The following RABGAP1L variants were observed in gnomAD, a reference collection of about 807,000 sequenced individuals.
The protein encoded by RABGAP1L is rab GTPase-activating protein 1-like.
Under a neutral mutation model 137.7 loss-of-function variants are expected in RABGAP1L, and 63 were observed. The observed-to-expected ratio is 0.46, with a 90% CI of 0.37 to 0.56. RABGAP1L has a LOEUF of 0.56. Among genes scored for constraint, RABGAP1L ranks in the 20% least tolerant of loss-of-function variants. The pLI is 0.00. For synonymous variants in RABGAP1L, 431 were observed against 433.7 expected (o/e 0.99, Z 0.08); for missense variants, 1,095 against 1,244.0 (o/e 0.88, Z 1.80).
intron 10 of RABGAP1L, among the ~76,000 whole-genome samples, chr1:174,303,143 G>C (rs575045284): frequency 4.0e-5 from 6 of 151,230 alleles, no homozygotes; most frequent in Non-Finnish European, 8.8e-5. Context: ...TTTTTCATGT[G>C]ATTTAATGTA....
At chr1:174,455,968 G>A (rs188600431) in intron 13 of RABGAP1L, among the ~76,000 whole-genome samples, 4 of 152,186 alleles carry the variant, frequency 2.6e-5, no homozygotes, top group East Asian at 3.9e-4. Flanking sequence ...TATTGCCTGT[G>A]ATAAAGTTCT....
chr1:174,260,548 C>T (rs915284519), intron 7 of RABGAP1L, among the ~76,000 whole-genome samples: 2 of 152,080 alleles, frequency 1.3e-5, no homozygotes, highest in Non-Finnish European at 2.9e-5. Flanking sequence ...TTGAGGGTCT[C>T]CAGCTGAGAT....
chr1:174,417,656 T>G (rs1650760196), intron 13 of RABGAP1L, among the ~76,000 whole-genome samples: 1 of 152,228 alleles, frequency 6.6e-6, no homozygotes, highest in Non-Finnish European at 1.5e-5. Context: ...GGATTTGTAT[T>G]AATTGCTATA....
intron 13 of RABGAP1L, among the ~76,000 whole-genome samples, chr1:174,604,385 C>CACA (rs1670630032): frequency 6.6e-6 from 1 of 152,242 alleles, no homozygotes; most frequent in African/African-American, 2.4e-5. Flanking sequence ...ATCACACATA[C>CACA]TGTCTCTCTG....
intron 3 of RABGAP1L, among the ~76,000 whole-genome samples, chr1:174,230,252 TGGGGGGA>T (rs1215784516): frequency 7.1e-5 from 2 of 28,030 alleles, no homozygotes; most frequent in Non-Finnish European, 1.4e-4. Context: ...TGTTGTGAGG[TGGGGGGA>T]GGGGGGAGGG....
chr1:174,896,291 T>G (rs905313945), intron 19 of RABGAP1L, among the ~76,000 whole-genome samples: 1 of 152,206 alleles, frequency 6.6e-6, no homozygotes, highest in African/African-American at 2.4e-5. Context: ...GATGGGGTTG[T>G]TTTTTTCTTG....
chr1:174,736,411 G>C (rs953409033), intron 17 of RABGAP1L, among the ~76,000 whole-genome samples: 6 of 152,262 alleles, frequency 3.9e-5, no homozygotes, highest in African/African-American at 1.2e-4. Flanking sequence ...GCCTTGGGCA[G>C]CTCTGCCCCT....
intron 13 of RABGAP1L, among the ~76,000 whole-genome samples, chr1:174,525,097 T>G (rs948860784): frequency 7.2e-5 from 11 of 152,208 alleles, no homozygotes; most frequent in African/African-American, 2.7e-4. Context: ...GCTTTGTTCT[T>G]TTTGCTCAGG....
At chr1:174,850,717 T>C (rs1394565435) in intron 19 of RABGAP1L, among the ~76,000 whole-genome samples, 2 of 152,234 alleles carry the variant, frequency 1.3e-5, no homozygotes, top group Non-Finnish European at 2.9e-5. Flanking sequence ...GATTATGTTT[T>C]GCCATATGGC....
chr1:174,176,741 A>AAAAACAAAAAAAAAAATAAAAT (rs1553248319), intron 1 of RABGAP1L, among the ~76,000 whole-genome samples: 1 of 111,778 alleles, frequency 8.9e-6, no homozygotes, highest in African/African-American at 3.6e-5. Flanking sequence ...AAAAAAAAAA[A>AAAAACAAAAAAAAAAATAAAAT]AAAAAGGTCA....
At chr1:174,597,272 G>A (rs1670019581) in intron 13 of RABGAP1L, among the ~76,000 whole-genome samples, 2 of 152,088 alleles carry the variant, frequency 1.3e-5, no homozygotes, top group African/African-American at 4.8e-5. Flanking sequence ...TTATTTTTTG[G>A]AATAGTTTGA....
chr1:174,390,896 T>C (rs555117369), intron 12 of RABGAP1L, among the ~76,000 whole-genome samples: 6 of 152,266 alleles, frequency 3.9e-5, no homozygotes, highest in African/African-American at 1.4e-4. Flanking sequence ...TTTGAGCTTC[T>C]AGAACTTGGG....
At chr1:174,255,713 A>G (rs1452377699) in intron 7 of RABGAP1L, among the ~76,000 whole-genome samples, 1 of 152,120 alleles carries the variant, frequency 6.6e-6, no homozygotes, top group Non-Finnish European at 1.5e-5. Flanking sequence ...TTTAGTAGTG[A>G]TGGGGTTTCA....
chr1:174,550,301 C>T (rs528468484), intron 13 of RABGAP1L, among the ~76,000 whole-genome samples: 14 of 152,112 alleles, frequency 9.2e-5, no homozygotes, highest in African/African-American at 3.4e-4. Context: ...AACAAAGTCC[C>T]AAGTCATGAA....
intron 13 of RABGAP1L, among the ~76,000 whole-genome samples, chr1:174,470,102 C>T (rs1657743361): frequency 6.6e-6 from 1 of 152,056 alleles, no homozygotes; most frequent in Non-Finnish European, 1.5e-5. Context: ...ATTATTTTAC[C>T]ACTTGCACAG....
At chr1:174,276,519 T>A (rs1364076307) in intron 9 of RABGAP1L, among the ~76,000 whole-genome samples, 1 of 152,162 alleles carries the variant, frequency 6.6e-6, no homozygotes, top group Non-Finnish European at 1.5e-5. Context: ...GTTATTTCAT[T>A]TGTGGAGACT....
At chr1:174,564,611 T>C (rs1285940806) in intron 13 of RABGAP1L, among the ~76,000 whole-genome samples, 1 of 152,152 alleles carries the variant, frequency 6.6e-6, no homozygotes, top group African/African-American at 2.4e-5. Context: ...TCCTGTACTC[T>C]TTTTCCTACT....
chr1:174,596,917 T>G (rs1669982881), intron 13 of RABGAP1L, among the ~76,000 whole-genome samples: 1 of 152,202 alleles, frequency 6.6e-6, no homozygotes, highest in African/African-American at 2.4e-5. Flanking sequence ...TTTTTAAATT[T>G]AATCATGAAG....
rs1678528202 is a variant in RABGAP1L at position 174,687,049 on chromosome 1, G to A, written c.1899+3453G>A. ...TAATATATTTATTAATGTTCAGTGA[G>A]AAGAATATCTCTCTGAGAAATCTGT... is the stretch of plus-strand genomic sequence containing the variant. On this transcript the variant is annotated intron_variant, in intron 15 of 25. Coordinates refer to ENST00000681986, the MANE Select transcript of RABGAP1L (RefSeq NM_001366446.1). Among the ~76,000 whole-genome samples the A allele has an allele frequency of 2.0e-5, 3 of 152,198 alleles. No homozygotes were observed. In the South Asian group the frequency reaches 6.2e-4, roughly 32 times the overall value.
Sources: allele counts gnomAD v4.1 joint callset (sites outside exome capture counted in the v4.1 genomes callset), GRCh38; gene constraint gnomAD v4.1.1; transcripts MANE v1.5; gene names NCBI Gene and HGNC (gene_info 2026-07-23, HGNC 2026-07-21).